The following SIRT1 variants were observed in gnomAD, a reference collection of about 807,000 sequenced individuals.
SIRT1 encodes the protein NAD-dependent protein deacetylase sirtuin-1.
SIRT1 carries 24 observed loss-of-function variants against 67.9 expected under a neutral mutation model. The observed-to-expected ratio is 0.35, with a 90% CI of 0.26 to 0.50. SIRT1 has a LOEUF of 0.50. Ranked by LOEUF, SIRT1 falls within the 20% of genes least tolerant of loss-of-function variation. The probability of loss-of-function intolerance (pLI) is 0.98; values close to 1 mark genes in which losing one functional copy is unlikely to be tolerated. For synonymous variants in SIRT1, 378 were observed against 350.7 expected, an observed-to-expected ratio of 1.08 and a Z score of -0.87; for missense variants, 873 against 937.2, an observed-to-expected ratio of 0.93 and a Z score of 0.89.
rs528743752 is a variant in SIRT1 at position 67,914,729 on chromosome 10, C to A, written c.1916-1536C>A. ...TTTTAAATTTATTTATTTTTTGAGA[C>A]GGAGTTTTGCTCTTGTTGTCCAGGC... On this transcript the variant is annotated intron_variant, in intron 8 of 8. Transcript: ENST00000212015. Among the ~76,000 whole-genome samples the A allele has an allele frequency of 1.1e-4, 16 of 151,900 alleles. No homozygotes were observed. In the South Asian group the frequency reaches 3.3e-3, roughly 32 times the overall value.
intron 8 of SIRT1, among the ~76,000 whole-genome samples, chr10:67,914,470 CAG>C (rs1404676073): frequency 6.6e-6 from 1 of 152,114 alleles, no homozygotes; most frequent in African/African-American, 2.4e-5. Context: ...GACGTGTTCA[CAG>C]GGGAAACTAG....
chr10:67,887,764 C>T (rs1842508655), intron 2 of SIRT1, among the ~76,000 whole-genome samples: 1 of 152,098 alleles, frequency 6.6e-6, no homozygotes, highest in Admixed American at 6.6e-5. Flanking sequence ...TTAGTAGAGA[C>T]GGGGTTTCTC....
At chr10:67,909,917 GC>G (rs1484941217) in intron 7 of SIRT1, among the ~76,000 whole-genome samples, 2 of 152,092 alleles carry the variant, frequency 1.3e-5, no homozygotes, top group African/African-American at 4.8e-5. Flanking sequence ...TTGTTGTGTT[GC>G]CCAGGCTGGA....
At chr10:67,915,561 C>T (rs34630530) in intron 8 of SIRT1, among the ~76,000 whole-genome samples, 260 of 152,138 alleles carry the variant, frequency 1.7e-3, no homozygotes, top group Middle Eastern at 6.8e-3. Flanking sequence ...CCTGAGATCT[C>T]GGGTGAATGT....
In SIRT1 at chr10:67,885,052, T is replaced by A; in HGVS notation, c.331T>A (p.Ser111Thr). ...CAATGGGCCGGGCCTGCAGGGCCCA[T>A]CTCGGGAGCCACCGCTGGCCGACAA... ...GDNGPGLQGP[S>T]REPPLADNLY... is the part of the protein sequence containing the mutation. The change falls in exon 1 of 9, where the codon TCT becomes ACT. Residue 111 changes from serine to threonine, a missense_variant. By Grantham distance (58) the Ser-to-Thr change is moderately conservative. This residue lies in a region of SIRT1 where 327 missense variants were observed against 283.9 expected (regional missense o/e 1.15). Coordinates refer to ENST00000212015, the MANE Select transcript of SIRT1 (RefSeq NM_012238.5). 1 of 1,428,656 alleles carries A rather than the reference T, an allele frequency of 7.0e-7. No homozygotes were observed. Among genetic ancestry groups the A allele is most frequent in the Non-Finnish European group, 9.2e-7 (1 of 1,083,700 alleles). 88.5% of individuals were successfully genotyped at this position (1,428,656 alleles called of 1,614,324 possible). A position where few individuals can be genotyped will look rare whatever the true frequency, so the allele number is the denominator to read the frequency against.
chr10:67,891,458 C>T lies in SIRT1; in HGVS notation c.846C>T (p.Arg282=), dbSNP rs909202021. ...DFRSRDGIYA[R]LAVDFPDLPD... is the part of the protein sequence containing the mutation. ...GGTCAAGGGATGGTATTTATGCTCGCCTTGCTGTAGACTTCCCAGATCTTC... is the reference window on the plus strand; with the variant it reads ...GGTCAAGGGATGGTATTTATGCTCGTCTTGCTGTAGACTTCCCAGATCTTC... The change falls in exon 4 of 9, where the codon CGC becomes CGT. Residue 282 remains arginine, a synonymous_variant. Coordinates refer to ENST00000212015, the MANE Select transcript of SIRT1 (RefSeq NM_012238.5). The T allele has an allele frequency of 8.7e-6, 14 of 1,613,968 alleles. No homozygotes were observed. Among genetic ancestry groups the T allele is most frequent in the Non-Finnish European group, 1.0e-5 (12 of 1,180,016 alleles).
intron 5 of SIRT1, 94 bp from the exon 6 acceptor site, chr10:67,907,952 A>C (rs1372757523): frequency 9.4e-7 from 1 of 1,063,318 alleles, no homozygotes; most frequent in Non-Finnish European, 1.4e-6. Flanking sequence ...AAACCCTCTT[A>C]ACATTTGTGA....
chr10:67,915,866 T>C (rs953503629), intron 8 of SIRT1, among the ~76,000 whole-genome samples: 2 of 152,320 alleles, frequency 1.3e-5, no homozygotes, highest in East Asian at 1.9e-4. Context: ...CCCTCCTTCA[T>C]AGGGTTGTGA....
intron 8 of SIRT1, among the ~76,000 whole-genome samples, chr10:67,914,592 C>T (rs2029868872): frequency 1.3e-5 from 2 of 152,200 alleles, no homozygotes; most frequent in Admixed American, 6.5e-5. Context: ...CAAAGTCTAC[C>T]TATGCACTAA....
chr10:67,885,542 T>G (rs1056240122), intron 1 of SIRT1: 2 of 521,758 alleles, frequency 3.8e-6, no homozygotes, highest in African/African-American at 4.1e-5. Context: ...CCAGCACACT[T>G]AAGTCTGCAA....
rs1296693656 is a variant in SIRT1, at chr10:67,899,652, A to G, written c.943-7138A>G. Among the ~76,000 whole-genome samples, 3 of 152,146 alleles carry G rather than the reference A, an allele frequency of 2.0e-5. No individual in the cohort carries two copies. In the South Asian group the frequency reaches 6.2e-4, roughly 32 times the overall value. On this transcript the variant is annotated intron_variant, in intron 4 of 8. Coordinates refer to ENST00000212015, the MANE Select transcript of SIRT1 (RefSeq NM_012238.5). Reference sequence around the variant, plus strand: ...ATAATTTCGTAACAGCACTTAACAGATATACCTTATTTTTCAAAGAAGGCT... The same window carrying G: ...ATAATTTCGTAACAGCACTTAACAGGTATACCTTATTTTTCAAAGAAGGCT...
rs71468897 is a variant in SIRT1, at chr10:67,916,852, ACTTT to A, written c.*264_*267del. ...TTCAATCAGCTGTTGGTCAAGACTA[ACTTT>A]CTTTTAAAGGTTCATTTGTATGATA... On this transcript the variant is annotated 3_prime_UTR_variant, in exon 9 of 9. Coordinates refer to ENST00000212015, the MANE Select transcript of SIRT1 (RefSeq NM_012238.5). 0.47 allele frequency: 106,830 copies of A among 226,330 alleles called. 31,598 individuals carry two copies. The highest frequency in any genetic ancestry group is 0.63 in the Non-Finnish European group (71,610 of 113,952). The allele number at this position is 226,330 out of a possible 1,614,324, so 14.0% of individuals were successfully genotyped here.
At chr10:67,905,963 G>A (rs1842815014) in intron 4 of SIRT1, 2 of 297,548 alleles carry the variant, frequency 6.7e-6, no homozygotes, top group African/African-American at 2.2e-5. Flanking sequence ...ATAGATTAGA[G>A]CCTGTAATGA....
At chr10:67,899,501 A>G (rs979753582) in intron 4 of SIRT1, among the ~76,000 whole-genome samples, 3 of 151,626 alleles carry the variant, frequency 2.0e-5, no homozygotes, top group African/African-American at 4.8e-5. Context: ...ATTCAGGGGG[A>G]AAAAAAATTT....
intron 8 of SIRT1, among the ~76,000 whole-genome samples, chr10:67,914,468 C>T (rs1051691335): frequency 6.6e-6 from 1 of 152,106 alleles, no homozygotes; most frequent in Non-Finnish European, 1.5e-5. Flanking sequence ...CAGACGTGTT[C>T]ACAGGGGAAA....
At chr10:67,909,140 TTG>T in intron 6 of SIRT1, 114 bp from the exon 7 acceptor site, 3 of 696,274 alleles carry the variant, frequency 4.3e-6, no homozygotes, top group African/African-American at 3.6e-5. Context: ...CTTTTCTGTT[TTG>T]TTTTTTTTTT....
chr10:67,908,099 G>A lies in SIRT1; in HGVS notation c.1144G>A (p.Ala382Thr). Residue 382 changes from alanine (A) to threonine (T), a missense_variant, in exon 6 of 9, where the codon GCT becomes ACT. This residue lies in a region of SIRT1 where 251 missense variants were observed against 358.8 expected (regional missense o/e 0.70). Transcript: ENST00000212015. ...LICKYKVDCEAVRGDIFNQVV... is the reference protein window; with the variant it reads ...LICKYKVDCETVRGDIFNQVV... ...TTGTAAATACAAAGTTGACTGTGAAGCTGTACGAGGAGATATTTTTAATCA... is the reference window on the plus strand; with the variant it reads ...TTGTAAATACAAAGTTGACTGTGAAACTGTACGAGGAGATATTTTTAATCA... 6.2e-7 allele frequency: 1 copy of A among 1,613,544 alleles called. No individual in the cohort carries two copies. Among genetic ancestry groups the A allele is most frequent in the South Asian group, 1.1e-5 (1 of 90,990 alleles).
chr10:67,885,316 C>G (rs990848382), intron 1 of SIRT1, 165 bp downstream of exon 1: 20 of 1,240,552 alleles, frequency 1.6e-5, no homozygotes, highest in Admixed American at 4.2e-5. Flanking sequence ...GCTGCGGTTC[C>G]TACTGCGCGA....
intron 7 of SIRT1, among the ~76,000 whole-genome samples, chr10:67,910,147 G>T (rs1842877897): frequency 1.3e-5 from 2 of 152,112 alleles, no homozygotes; most frequent in Non-Finnish European, 2.9e-5. Flanking sequence ...GGCCGAGGTA[G>T]GTGGATCGCT....
Sources: gnomAD v4.1 joint callset for allele counts (sites outside exome capture counted in the v4.1 genomes callset) on GRCh38, gnomAD v4.1.1 for gene constraint, gnomAD v4.1.1 regional missense constraint, MANE v1.5 for transcripts, NCBI Gene and HGNC (gene_info 2026-07-23, HGNC 2026-07-21) for gene names.